The following PPFIBP2 variants were observed in gnomAD, a reference collection of about 807,000 sequenced individuals.
PPFIBP2 encodes liprin-beta-2.
In PPFIBP2, 118 loss-of-function variants were observed where a neutral mutation model predicts 118.3. The observed-to-expected ratio is 1.00, with a 90% confidence interval of 0.86 to 1.16. The LOEUF (loss-of-function observed/expected upper bound fraction) is 1.16, where lower values mean the gene tolerates loss of function less well. Ranked by LOEUF, PPFIBP2 falls within the 50% of genes most tolerant of loss-of-function variation. The pLI is 0.00. For missense variants in PPFIBP2, 1,195 were observed against 1,073.1 expected, an observed-to-expected ratio of 1.11 and a Z score of -1.59; for synonymous variants, 414 against 397.4, an observed-to-expected ratio of 1.04 and a Z score of -0.50.
chr11:7,602,838 A>G (rs187414805), intron 5 of PPFIBP2, among the ~76,000 whole-genome samples: 1 of 152,264 alleles, frequency 6.6e-6, no homozygotes, highest in African/African-American at 2.4e-5. Context: ...GAGTTCATGG[A>G]TATGGGTTTC....
chr11:7,531,180 A>C (rs535025122), intron 1 of PPFIBP2, among the ~76,000 whole-genome samples: 1 of 152,254 alleles, frequency 6.6e-6, no homozygotes, highest in South Asian at 2.1e-4. Flanking sequence ...TTTTCTTGGG[A>C]AAGTCCCTAA....
At chr11:7,654,489 G>A (rs997762605), downstream of PPFIBP2, among the ~76,000 whole-genome samples, 1 of 152,234 alleles carries the variant, frequency 6.6e-6, no homozygotes, top group Non-Finnish European at 1.5e-5. Context: ...CTCTGATTCT[G>A]TACCAGATGG....
the PPFIBP2 span, among the ~76,000 whole-genome samples, chr11:7,662,701 C>A: frequency 6.7e-6 from 1 of 149,422 alleles, no homozygotes; most frequent in African/African-American, 2.4e-5. Flanking sequence ...GCCTGCCTTG[C>A]TAGATTGGGG....
chr11:7,610,217 G>A (rs377342010), intron 5 of PPFIBP2, 74 bp from the exon 6 acceptor site: 1 of 1,520,604 alleles, frequency 6.6e-7, no homozygotes, highest in Non-Finnish European at 9.1e-7. Flanking sequence ...GTTGCCTTAT[G>A]TGCTGTAAAT....
At chr11:7,660,056 A>G (rs201443920), downstream of PPFIBP2, among the ~76,000 whole-genome samples, 23 of 124,140 alleles carry the variant, frequency 1.9e-4, 4 homozygotes, top group East Asian at 8.1e-4. Context: ...GGGCTGAGAC[A>G]ATGGGGTTTT....
At chr11:7,570,340 A>G (rs1423040858) in intron 3 of PPFIBP2, among the ~76,000 whole-genome samples, 2 of 152,210 alleles carry the variant, frequency 1.3e-5, no homozygotes, top group Admixed American at 1.3e-4. Flanking sequence ...AAGATACCAG[A>G]GCCAGCAGAG....
chr11:7,549,295 A>G lies in PPFIBP2; in HGVS notation c.-36-145A>G, dbSNP rs1395263443. On this transcript the variant is annotated intron_variant, in intron 1 of 23. Transcript: ENST00000299492. ...CACTCATGCCAAGAGGGAAAAGGCC[A>G]TGGAGATGCAGAAACTACATGTCGG... is the stretch of plus-strand genomic sequence containing the variant. The G allele has an allele frequency of 2.4e-5, 17 of 707,958 alleles. No homozygotes were observed. In the South Asian group the frequency reaches 2.5e-4, roughly 11 times the overall value. The allele number at this position is 707,958 out of a possible 1,614,324, so 43.9% of individuals were successfully genotyped here.
At chr11:7,586,985 A>C (rs2135136348) in intron 3 of PPFIBP2, among the ~76,000 whole-genome samples, 1 of 152,264 alleles carries the variant, frequency 6.6e-6, no homozygotes, top group Non-Finnish European at 1.5e-5. Context: ...AATATCTTTT[A>C]GACTTTAGCT....
At chr11:7,666,419 C>A in the PPFIBP2 span, 1 of 1,429,510 alleles carries the variant, frequency 7.0e-7, no homozygotes, top group South Asian at 1.1e-5. Flanking sequence ...TTGGTGCTGA[C>A]CCATGGTGAG....
chr11:7,596,165 A>T (rs897689968), intron 4 of PPFIBP2, among the ~76,000 whole-genome samples: 1 of 152,216 alleles, frequency 6.6e-6, no homozygotes, highest in African/African-American at 2.4e-5. Context: ...CATGGTATAG[A>T]CCATAGAAAT....
intron 3 of PPFIBP2, chr11:7,577,599 G>T (rs1856619705): frequency 4.4e-6 from 2 of 456,610 alleles, no homozygotes; most frequent in South Asian, 3.1e-5. Context: ...GCATGGATGG[G>T]GACATTGATG....
At chr11:7,555,503 C>T (rs1853503956) in intron 2 of PPFIBP2, among the ~76,000 whole-genome samples, 1 of 152,150 alleles carries the variant, frequency 6.6e-6, no homozygotes, top group Non-Finnish European at 1.5e-5. Flanking sequence ...TCTGAACAGT[C>T]CTTGACTGAT....
At chr11:7,572,534 T>C (rs1855767911) in intron 3 of PPFIBP2, among the ~76,000 whole-genome samples, 1 of 152,224 alleles carries the variant, frequency 6.6e-6, no homozygotes, top group African/African-American at 2.4e-5. Flanking sequence ...CCTTCCCCAC[T>C]ATATTTCCTG....
At position 7,630,731 on chromosome 11, in the gene PPFIBP2, G is replaced by C. The variant is rs551731848; in HGVS notation, c.965-194G>C. On this transcript the variant is annotated intron_variant, in intron 10 of 23. Transcript: ENST00000299492. ...TACCTCTGTTCTGCAGATAAACTTT[G>C]ACCTTGAAATGATCCTGATGCCAGC... Among the ~76,000 whole-genome samples the C allele has an allele frequency of 2.6e-5, 4 of 152,166 alleles. No individual in the cohort carries two copies. In the South Asian group the frequency reaches 8.3e-4, roughly 32 times the overall value.
At chr11:7,613,692 A>G (rs534386076) in intron 6 of PPFIBP2, among the ~76,000 whole-genome samples, 1 of 152,328 alleles carries the variant, frequency 6.6e-6, no homozygotes, top group Admixed American at 6.5e-5. Flanking sequence ...AAAGCATTGC[A>G]AAGGCGTGTT....
chr11:7,528,781 A>G (rs187496694), intron 1 of PPFIBP2, among the ~76,000 whole-genome samples: 32 of 152,298 alleles, frequency 2.1e-4, no homozygotes, highest in Middle Eastern at 3.4e-3. Context: ...TCACATGTTC[A>G]AGCTCTGAGC....
intron 19 of PPFIBP2, 53 bp downstream of exon 19, chr11:7,648,964 G>A: frequency 6.6e-7 from 1 of 1,520,506 alleles, no homozygotes; most frequent in Non-Finnish European, 9.1e-7. Context: ...ACTAAGAGTA[G>A]AAAGAATTTT....
intron 6 of PPFIBP2, among the ~76,000 whole-genome samples, chr11:7,614,607 T>C (rs1848428112): frequency 6.6e-6 from 1 of 152,226 alleles, no homozygotes; most frequent in African/African-American, 2.4e-5. Flanking sequence ...AAGATATTGA[T>C]GTGGAATTTA....
chr11:7,578,775 G>C (rs1856823846), intron 3 of PPFIBP2, among the ~76,000 whole-genome samples: 1 of 152,194 alleles, frequency 6.6e-6, no homozygotes, highest in Non-Finnish European at 1.5e-5. Context: ...TGAAAGAGCA[G>C]TAAGAATGAG....
Sources: gnomAD v4.1 joint callset for allele counts (sites outside exome capture counted in the v4.1 genomes callset) on GRCh38, gnomAD v4.1.1 for gene constraint, MANE v1.5 for transcripts, NCBI Gene and HGNC (gene_info 2026-07-23, HGNC 2026-07-21) for gene names.